The following SMURF1 variants were observed in gnomAD, a reference collection of about 807,000 sequenced individuals.
SMURF1 encodes the protein E3 ubiquitin-protein ligase SMURF1.
In SMURF1, 44 loss-of-function variants were observed where a neutral mutation model predicts 98.0. The observed-to-expected ratio is 0.45, with a 90% CI of 0.35 to 0.58. SMURF1 has a LOEUF of 0.58. Ranked by LOEUF, SMURF1 falls within the 20% of genes least tolerant of loss-of-function variation. The pLI is 0.00. For synonymous variants in SMURF1, 396 were observed against 374.9 expected, an observed-to-expected ratio of 1.06 and a Z score of -0.65; for missense variants, 687 against 938.4, an observed-to-expected ratio of 0.73 and a Z score of 3.50.
intron 1 of SMURF1, among the ~76,000 whole-genome samples, chr7:99,092,890 G>C (rs1431061637): frequency 6.6e-6 from 1 of 152,146 alleles, no homozygotes; most frequent in Non-Finnish European, 1.5e-5. Flanking sequence ...ATTCCTCTGG[G>C]AACGATGGTT....
intron 1 of SMURF1, among the ~76,000 whole-genome samples, chr7:99,099,707 C>G (rs937627172): frequency 6.6e-6 from 1 of 152,136 alleles, no homozygotes; most frequent in Non-Finnish European, 1.5e-5. Context: ...AGTTCTCACT[C>G]TCACGGAATG....
chr7:99,060,469 A>C, intron 3 of SMURF1, 130 bp downstream of exon 3: 2 of 551,642 alleles, frequency 3.6e-6, no homozygotes, highest in South Asian at 5.7e-5. Context: ...GTAGACATTC[A>C]TTTGGCCATC....
At chr7:99,093,541 T>C (rs1310630690) in intron 1 of SMURF1, among the ~76,000 whole-genome samples, 1 of 152,066 alleles carries the variant, frequency 6.6e-6, no homozygotes, top group Non-Finnish European at 1.5e-5. Context: ...TATTGCCAAA[T>C]TGCCAGAGTC....
chr7:99,029,207 C>T lies in SMURF1; in HGVS notation c.*1377G>A, dbSNP rs1390249887. On this transcript the variant is annotated 3_prime_UTR_variant, in exon 18 of 18. Transcript: ENST00000361368. Reference sequence around the variant, plus strand: ...TTCGACAGCAGTGAAATGTCTTGCTCATGAATTACCCTGTACTTGCCCCCA... The same window carrying T: ...TTCGACAGCAGTGAAATGTCTTGCTTATGAATTACCCTGTACTTGCCCCCA... 6.5e-6 allele frequency: 1 copy of T among 152,708 alleles called. No individual in the cohort carries two copies. The highest frequency in any genetic ancestry group is 1.5e-5 in the Non-Finnish European group (1 of 68,084). 9.5% of individuals were successfully genotyped at this position (152,708 alleles called of 1,614,324 possible).
chr7:99,122,956 G>A (rs758645444), intron 1 of SMURF1, among the ~76,000 whole-genome samples: 6 of 151,696 alleles, frequency 4.0e-5, no homozygotes, highest in African/African-American at 7.3e-5. Context: ...TGACAGGCAG[G>A]TTCATGAAAC....
chr7:99,048,183 T>C, intron 9 of SMURF1: 1 of 352,718 alleles, frequency 2.8e-6, no homozygotes, highest in Non-Finnish European at 5.5e-6. Context: ...AGGTCAGGAG[T>C]TCGAGACCAG....
chr7:99,064,891 C>T (rs940593836), intron 1 of SMURF1, among the ~76,000 whole-genome samples: 1 of 152,204 alleles, frequency 6.6e-6, no homozygotes. Flanking sequence ...GCCCCAAAAC[C>T]TCATCATTAC....
chr7:99,113,500 C>A (rs1797366630), intron 1 of SMURF1, among the ~76,000 whole-genome samples: 1 of 152,014 alleles, frequency 6.6e-6, no homozygotes, highest in Non-Finnish European at 1.5e-5. Flanking sequence ...AGATAGTAAA[C>A]CTGCTCTACA....
chr7:99,127,429 C>T (rs368778287), intron 1 of SMURF1, among the ~76,000 whole-genome samples: 180 of 152,154 alleles, frequency 1.2e-3, no homozygotes, highest in East Asian at 6.0e-3. Context: ...TGGTGGCTCA[C>T]GGCTGTAATC....
chr7:99,032,572 G>C (rs1794945817), intron 17 of SMURF1, among the ~76,000 whole-genome samples: 1 of 152,200 alleles, frequency 6.6e-6, no homozygotes, highest in Non-Finnish European at 1.5e-5. Flanking sequence ...AGGAGGCTGA[G>C]GCATGAGAAT....
chr7:99,075,361 A>T (rs970720339), intron 1 of SMURF1, among the ~76,000 whole-genome samples: 4 of 152,134 alleles, frequency 2.6e-5, no homozygotes, highest in African/African-American at 9.7e-5. Flanking sequence ...GCCTCAAGTG[A>T]TCTGCCTGCT....
At chr7:99,040,310 CGCGCAT>C in intron 13 of SMURF1, 62 bp downstream of exon 13, 8 of 1,374,418 alleles carry the variant, frequency 5.8e-6, no homozygotes, top group Admixed American at 3.0e-5. Context: ...CGCGCGCGCA[CGCGCAT>C]ACATACGATA....
chr7:99,037,026 A>C lies in SMURF1; in HGVS notation c.1809+41T>G, dbSNP rs570178371. On this transcript the variant is annotated intron_variant, in intron 15 of 17. Coordinates refer to ENST00000361368, the MANE Select transcript of SMURF1 (RefSeq NM_181349.3). ...GATTTAAAACAGGCAGACGCCAGCC[A>C]CAGGGACGCCCTGGGTCGACTCCGC... 5.6e-6 allele frequency: 9 copies of C among 1,612,202 alleles called. No homozygotes were observed. In the South Asian group the frequency reaches 7.7e-5, roughly 14 times the overall value.
intron 16 of SMURF1, 143 bp downstream of exon 16, chr7:99,035,372 G>C: frequency 9.6e-7 from 1 of 1,039,324 alleles, no homozygotes; most frequent in Non-Finnish European, 1.4e-6. Context: ...CCTCTGTAGG[G>C]CAGAGCATTA....
At position 99,059,927 on chromosome 7, in the gene SMURF1, A is replaced by G. The variant is rs527734336; in HGVS notation, c.203+672T>C. ...TCCATCTCAAAAAAAAAAAAAATGC[A>G]TTTTTTAGGTAGAAACTACAACTAG... On this transcript the variant is annotated intron_variant, in intron 3 of 17. Coordinates refer to ENST00000361368, the MANE Select transcript of SMURF1 (RefSeq NM_181349.3). 1.3e-3 allele frequency among the ~76,000 whole-genome samples: 195 copies of G among 150,312 alleles called. 1 individual carries two copies. The highest frequency in any genetic ancestry group is 4.2e-3 in the African/African-American group (172 of 41,122).
At chr7:99,063,197 A>G (rs1205889403) in intron 1 of SMURF1, among the ~76,000 whole-genome samples, 1 of 138,354 alleles carries the variant, frequency 7.2e-6, no homozygotes, top group African/African-American at 2.7e-5. Flanking sequence ...ATCAAGATAT[A>G]TATATTTATA....
intron 1 of SMURF1, among the ~76,000 whole-genome samples, chr7:99,111,332 A>G (rs1584191282): frequency 6.6e-6 from 1 of 152,254 alleles, no homozygotes; most frequent in East Asian, 1.9e-4. Flanking sequence ...AAGAAATTTG[A>G]TACTAAGTAG....
At chr7:99,069,541 G>A (rs936272945) in intron 1 of SMURF1, among the ~76,000 whole-genome samples, 1 of 152,104 alleles carries the variant, frequency 6.6e-6, no homozygotes, top group Non-Finnish European at 1.5e-5. Flanking sequence ...TCAATTTCTT[G>A]TAGGGACAAG....
At chr7:99,061,911 C>A in intron 1 of SMURF1, 74 bp from the exon 2 acceptor site, 7 of 1,116,678 alleles carry the variant, frequency 6.3e-6, no homozygotes, top group Middle Eastern at 2.1e-4. Flanking sequence ...ATATTTACAC[C>A]CGAACAAAAA....
Sources: allele counts gnomAD v4.1 joint callset (sites outside exome capture counted in the v4.1 genomes callset), GRCh38; gene constraint gnomAD v4.1.1; transcripts MANE v1.5; gene names NCBI Gene and HGNC (gene_info 2026-07-23, HGNC 2026-07-21).